Variants in CACNA1E observed in about 807,000 individuals in gnomAD.
CACNA1E encodes calcium voltage-gated channel subunit alpha1 E, also known as voltage-dependent R-type calcium channel subunit alpha-1E.
CACNA1E carries 40 observed loss-of-function variants against 259.2 expected under a neutral mutation model. The ratio of observed to expected loss-of-function variants is 0.15; its 90% CI spans 0.12 to 0.20. The LOEUF is 0.20. Among genes scored for constraint, CACNA1E ranks in the 10% least tolerant of loss-of-function variants. The pLI, the probability that CACNA1E is intolerant of heterozygous loss-of-function variation, is 1.00. For synonymous variants in CACNA1E, 1,104 were observed against 1,138.5 expected, an observed-to-expected ratio of 0.97 and a Z score of 0.61; for missense variants, 1,874 against 3,040.1, an observed-to-expected ratio of 0.62 and a Z score of 9.02.
chr1:181,420,118 G>A lies in CACNA1E; in HGVS notation c.434+6538G>A, dbSNP rs552237144. Among the ~76,000 whole-genome samples the A allele has an allele frequency of 2.0e-5, 3 of 152,274 alleles. No homozygotes were observed. The South Asian group carries it at 6.2e-4, about 32-fold the overall frequency. The stretch of plus-strand genomic sequence containing the variant: ...CTGTCCACTGCTTATACAGGTGAAA[G>A]CCTGGGACACATACCACCAGCTTTA... On this transcript the variant is annotated intron_variant, in intron 2 of 11. Coordinates refer to the CACNA1E transcript ENST00000524607.
At position 181,710,927 on chromosome 1, in the gene CACNA1E, A is replaced by C. The variant is rs751161876; in HGVS notation, c.1056-27A>C. The C allele has an allele frequency of 2.6e-6, 4 of 1,509,646 alleles. No individual in the cohort carries two copies. The South Asian group carries it at 3.4e-5, about 13-fold the overall frequency. 93.5% of individuals were successfully genotyped at this position (1,509,646 alleles called of 1,614,324 possible). On this transcript the variant is annotated intron_variant, in intron 7 of 47. Transcript: ENST00000367573. ...CTTAGTCATGGCCCTGTCCAAACCCAGTGAATCTTATCCTTCTTGTCCACA... is the reference window on the plus strand; with the variant it reads ...CTTAGTCATGGCCCTGTCCAAACCCCGTGAATCTTATCCTTCTTGTCCACA...
intron 4 of CACNA1E, among the ~76,000 whole-genome samples, chr1:181,578,206 G>A (rs933910169): frequency 5.9e-5 from 9 of 151,976 alleles, no homozygotes; most frequent in Admixed American, 2.6e-4. Flanking sequence ...AATTGAAATC[G>A]TTATGTAGAT....
chr1:181,779,837 C>CAT (rs1023860895), intron 38 of CACNA1E, among the ~76,000 whole-genome samples: 1 of 151,960 alleles, frequency 6.6e-6, no homozygotes, highest in African/African-American at 2.4e-5. Context: ...CACACACACA[C>CAT]ACACACACAC....
chr1:181,515,153 G>A (rs779940333), intron 3 of CACNA1E, among the ~76,000 whole-genome samples: 2 of 152,074 alleles, frequency 1.3e-5, no homozygotes, highest in African/African-American at 2.4e-5. Flanking sequence ...TTTAGTCCCC[G>A]TGAGGCAGTG....
At chr1:181,571,068 C>T (rs1049167708) in intron 3 of CACNA1E, among the ~76,000 whole-genome samples, 4 of 152,142 alleles carry the variant, frequency 2.6e-5, no homozygotes, top group Non-Finnish European at 5.9e-5. Context: ...TTGTTTATGA[C>T]CAGGAACCTC....
At chr1:181,634,910 G>T (rs928908726) in intron 6 of CACNA1E, among the ~76,000 whole-genome samples, 11 of 152,094 alleles carry the variant, frequency 7.2e-5, no homozygotes, top group African/African-American at 2.7e-4. Flanking sequence ...CTGCCTCTAC[G>T]ATGGGCTCTC....
chr1:181,406,778 T>C (rs1239456580), intron 1 of CACNA1E, among the ~76,000 whole-genome samples: 3 of 151,666 alleles, frequency 2.0e-5, no homozygotes, highest in Non-Finnish European at 4.4e-5. Context: ...GAGCGTGGAG[T>C]TGGGATTCAT....
At chr1:181,672,660 C>T (rs1333640398) in intron 7 of CACNA1E, among the ~76,000 whole-genome samples, 4 of 152,218 alleles carry the variant, frequency 2.6e-5, no homozygotes, top group Non-Finnish European at 1.5e-5. Context: ...TTCTGGCCCC[C>T]TTTCCTCTGC....
chr1:181,467,624 C>G (rs1662233784), intron 2 of CACNA1E, among the ~76,000 whole-genome samples: 1 of 151,972 alleles, frequency 6.6e-6, no homozygotes, highest in South Asian at 2.1e-4. Context: ...CCTATGAGAC[C>G]ATCAGAAAAA....
chr1:181,733,809 G>C, intron 21 of CACNA1E, 59 bp downstream of exon 21: 1 of 1,315,078 alleles, frequency 7.6e-7, no homozygotes, highest in African/African-American at 1.5e-5. Context: ...TGGGGCTGGG[G>C]CCATGACAAT....
chr1:181,383,852 A>G (rs1156996844), intron 1 of CACNA1E, among the ~76,000 whole-genome samples: 2 of 152,134 alleles, frequency 1.3e-5, no homozygotes, highest in Non-Finnish European at 1.5e-5. Context: ...CTGACCCACA[A>G]AACCTCCTAC....
rs573345172 is a variant in CACNA1E at position 181,791,281 on chromosome 1, G to C, written c.5898+725G>C. 1.2e-4 allele frequency among the ~76,000 whole-genome samples: 19 copies of C among 152,222 alleles called. No individual in the cohort carries two copies. The East Asian group carries it at 3.3e-3, about 26-fold the overall frequency. ...GGTCAGGAGATCGAGACCATCCTGG[G>C]TAACACGGTGAAACCCCGTCTCTAC... On this transcript the variant is annotated intron_variant, in intron 44 of 47. Coordinates refer to ENST00000367573, the MANE Select transcript of CACNA1E (RefSeq NM_001205293.3).
At chr1:181,327,259 G>A (rs1199951222) in intron 1 of CACNA1E, among the ~76,000 whole-genome samples, 1 of 152,138 alleles carries the variant, frequency 6.6e-6, no homozygotes, top group Non-Finnish European at 1.5e-5. Flanking sequence ...CCCTATGATG[G>A]GGTCATTGTG....
chr1:181,584,445 T>C (rs1018321723), intron 6 of CACNA1E, among the ~76,000 whole-genome samples: 4 of 152,220 alleles, frequency 2.6e-5, no homozygotes, highest in African/African-American at 9.6e-5. Flanking sequence ...ACTGAAAGTC[T>C]GGATGCTTTC....
chr1:181,724,573 A>G lies in CACNA1E; in HGVS notation c.2142+36A>G, dbSNP rs772560259. The G allele has an allele frequency of 8.4e-6, 13 of 1,549,554 alleles. No individual in the cohort carries two copies. In the African/African-American group the frequency reaches 1.4e-4, roughly 16 times the overall value. ...TTTTCTGGGGATCTGATGTTTCTCT[A>G]GTGCCATTGGGTACCCTTTGGCCTT... On this transcript the variant is annotated intron_variant, in intron 17 of 47. Transcript: ENST00000367573.
At chr1:181,646,067 C>G (rs1213259547) in intron 6 of CACNA1E, among the ~76,000 whole-genome samples, 1 of 152,106 alleles carries the variant, frequency 6.6e-6, no homozygotes, top group African/African-American at 2.4e-5. Flanking sequence ...TTTTCCTTTC[C>G]CTAGGAGTGG....
At chr1:181,510,614 C>T in intron 2 of CACNA1E, 32 bp downstream of exon 2, 1 of 1,399,020 alleles carries the variant, frequency 7.1e-7, no homozygotes, top group Non-Finnish European at 1.0e-6. Context: ...CCCCTTTGCC[C>T]CTTTTGTCTT....
At chr1:181,796,081 A>T (rs1160349019) in intron 46 of CACNA1E, among the ~76,000 whole-genome samples, 1 of 152,160 alleles carries the variant, frequency 6.6e-6, no homozygotes, top group Non-Finnish European at 1.5e-5. Flanking sequence ...TATTGTGTGT[A>T]GCATAAATAG....
chr1:181,418,998 C>T (rs1345630924), intron 2 of CACNA1E, among the ~76,000 whole-genome samples: 1 of 152,062 alleles, frequency 6.6e-6, no homozygotes, highest in Non-Finnish European at 1.5e-5. Flanking sequence ...GTCACTTGCC[C>T]AAGATCATAA....
Sources: allele counts gnomAD v4.1 joint callset (sites outside exome capture counted in the v4.1 genomes callset), GRCh38; gene constraint gnomAD v4.1.1; transcripts MANE v1.5; gene names NCBI Gene and HGNC (gene_info 2026-07-23, HGNC 2026-07-21).